USE1: variants seen among roughly 807,000 people sequenced by gnomAD.
USE1 encodes the protein vesicle transport protein USE1.
USE1 carries 32 observed loss-of-function variants against 37.6 expected under a neutral mutation model. That is an observed-to-expected ratio of 0.85 (90% confidence interval 0.64 to 1.14). The LOEUF is 1.14. Ranked by LOEUF, USE1 falls within the 50% of genes most tolerant of loss-of-function variation. USE1 has a pLI of 0.00. For missense variants in USE1, 310 were observed against 332.2 expected (o/e 0.93, Z 0.52); for synonymous variants, 149 against 137.6 (o/e 1.08, Z -0.58).
chr19:17,215,959 A>G (rs1245066996), intron 2 of USE1, 33 bp from the exon 3 acceptor site: 1 of 1,586,292 alleles, frequency 6.3e-7, no homozygotes, highest in South Asian at 1.1e-5. Context: ...GGGACCATGG[A>G]CAGGTTTTGT....
At chr19:17,219,176 A>T (rs540318890) in intron 6 of USE1, 37 bp from the exon 7 acceptor site, 1 of 1,575,944 alleles carries the variant, frequency 6.3e-7, no homozygotes, top group Admixed American at 1.8e-5. Flanking sequence ...TTCCCACTCC[A>T]TCTCTCATGT....
At position 17,215,604 on chromosome 19, in the gene USE1, TCTCGGGCAGCGCCC is replaced by T; in HGVS notation, c.102+98_102+111del. On this transcript the variant is annotated intron_variant, in intron 1 of 7. Transcript: ENST00000263897. ...GCCCGACTCCCCGGCCCCAGTAGCC[TCTCGGGCAGCGCCC>T]TTTCCGGTCAGTCCCGCCACGTCCA... The T allele has an allele frequency of 2.8e-6, 4 of 1,441,556 alleles. No homozygotes were observed. The South Asian group carries it at 5.2e-5, about 19-fold the overall frequency. The allele number at this position is 1,441,556 out of a possible 1,614,324, so 89.3% of individuals were successfully genotyped here. A position where few individuals can be genotyped will look rare whatever the true frequency, so the allele number is the denominator to read the frequency against.
At chr19:17,217,285 C>A (rs1255088822) in intron 4 of USE1, among the ~76,000 whole-genome samples, 168 bp from the exon 5 acceptor site, 1 of 151,792 alleles carries the variant, frequency 6.6e-6, no homozygotes, top group African/African-American at 2.4e-5. Flanking sequence ...ACAGGCACCC[C>A]CACCACACCT....
At position 17,216,060 on chromosome 19, in the gene USE1, C is replaced by A; in HGVS notation, c.221C>A (p.Ala74Asp). Residue 74 changes from alanine to aspartate, a missense_variant, in exon 3 of 8, where the codon GCC becomes GAC. Ala to Asp is a moderately radical substitution (Grantham distance 126). Coordinates refer to ENST00000263897, the MANE Select transcript of USE1 (RefSeq NM_018467.4). ...GATTTTCTGAAGGGGATGCTGCAAG[C>A]CGAGAAGCTGGTGAGAAGGGGTGCC... Reference protein sequence around the residue: ...KVDFLKGMLQAEKLTSSSEKA... With the variant: ...KVDFLKGMLQDEKLTSSSEKA... 6.2e-7 allele frequency: 1 copy of A among 1,612,486 alleles called. No individual in the cohort carries two copies. The highest frequency in any genetic ancestry group is 8.5e-7 in the Non-Finnish European group (1 of 1,179,282).
At chr19:17,215,754 C>T (rs749994308) in intron 1 of USE1, 48 bp from the exon 2 acceptor site, 7 of 1,295,386 alleles carry the variant, frequency 5.4e-6, no homozygotes, top group Non-Finnish European at 7.5e-6. Context: ...CTCCCATGAT[C>T]AGGACATGGG....
At position 17,216,179 on chromosome 19, in the gene USE1, C is replaced by T. The variant is rs2073289146; in HGVS notation, c.242C>T (p.Ser81Leu). 6.2e-7 allele frequency: 1 copy of T among 1,612,730 alleles called. No individual in the cohort carries two copies. The highest frequency in any genetic ancestry group is 8.5e-7 in the Non-Finnish European group (1 of 1,179,458). ...MLQAEKLTSS[S>L]EKALANQFLA... ...CCCACATTTCTGCAGACCTCCTCCT[C>T]AGAGAAAGCACTGGCCAACCAGTTC... Residue 81 changes from serine (S) to leucine (L), a missense_variant, in exon 4 of 8, where the codon TCA (serine) becomes TTA (leucine). Physicochemically the swap from Ser to Leu is moderately radical, Grantham distance 145. Coordinates refer to ENST00000263897, the MANE Select transcript of USE1 (RefSeq NM_018467.4).
chr19:17,219,819 C>T lies in USE1; in HGVS notation c.*6C>T. The T allele has an allele frequency of 1.9e-6, 3 of 1,577,248 alleles. No homozygotes were observed. The highest frequency in any genetic ancestry group is 1.7e-6 in the Non-Finnish European group (2 of 1,159,740). ...TCATGCCTAAACTCAAATAAAGACCCCCGCCCACCTTGTCTGTCTTCCGTC... is the reference window on the plus strand; with the variant it reads ...TCATGCCTAAACTCAAATAAAGACCTCCGCCCACCTTGTCTGTCTTCCGTC... On this transcript the variant is annotated 3_prime_UTR_variant, in exon 8 of 8. Coordinates refer to ENST00000263897, the MANE Select transcript of USE1 (RefSeq NM_018467.4).
intron 7 of USE1, 54 bp from the exon 8 acceptor site, chr19:17,219,573 TAGAG>T (rs969937485): frequency 2.6e-6 from 4 of 1,532,864 alleles, no homozygotes; most frequent in African/African-American, 2.8e-5. Flanking sequence ...CCCAGGGAAG[TAGAG>T]AGAGGCCATT....
intron 4 of USE1, 107 bp downstream of exon 4, chr19:17,216,428 G>A (rs1033554159): frequency 1.2e-5 from 18 of 1,461,844 alleles, no homozygotes; most frequent in African/African-American, 9.8e-5. Flanking sequence ...ACCCTAAGGG[G>A]GTCCAGCAAT....
chr19:17,215,577 T>TGGG, intron 1 of USE1, 70 bp downstream of exon 1: 1 of 1,515,086 alleles, frequency 6.6e-7, no homozygotes, highest in Non-Finnish European at 8.9e-7. Flanking sequence ...GGAAGCCACC[T>TGGG]GGCCCGACTC....
At chr19:17,218,200 C>T (rs1023396075) in intron 5 of USE1, 164 bp from the exon 6 acceptor site, 22 of 874,136 alleles carry the variant, frequency 2.5e-5, no homozygotes, top group Admixed American at 1.3e-4. Flanking sequence ...GTAAGGAGAC[C>T]CTCCTAGAAG....
chr19:17,219,806 T>C lies in USE1; in HGVS notation c.773T>C (p.Leu258Pro). The change falls in exon 8 of 8, where the codon CTC (leucine) becomes CCC (proline). Residue 258 changes from leucine to proline, a missense_variant. Transcript: ENST00000263897. ...CTCTTCATTCGAATCATGCCTAAAC[T>C]CAAATAAAGACCCCCGCCCACCTTG... ...MILFIRIMPK[L>P]K The C allele has an allele frequency of 6.3e-7, 1 of 1,587,272 alleles. No individual in the cohort carries two copies. The highest frequency in any genetic ancestry group is 8.6e-7 in the Non-Finnish European group (1 of 1,164,626).
At chr19:17,215,872 G>A (rs1423405277) in intron 2 of USE1, 21 bp downstream of exon 2, 1 of 1,602,792 alleles carries the variant, frequency 6.2e-7, no homozygotes, top group African/African-American at 1.3e-5. Flanking sequence ...GCAGCCTCAG[G>A]GCTTTCACAT....
chr19:17,215,529 G>A lies in USE1; in HGVS notation c.102+22G>A. 5 of 1,549,934 alleles carry A rather than the reference G, an allele frequency of 3.2e-6. No individual in the cohort carries two copies. The South Asian group carries it at 5.9e-5, about 18-fold the overall frequency. ...GAAGGTGAGGGGATCTCGCACTGCC[G>A]CGTAGAGCCCGACTCCCGGGGGGTG... On this transcript the variant is annotated intron_variant, in intron 1 of 7. Coordinates refer to ENST00000263897, the MANE Select transcript of USE1 (RefSeq NM_018467.4).
intron 2 of USE1, 68 bp from the exon 3 acceptor site, chr19:17,215,924 C>A (rs566010852): frequency 6.3e-7 from 1 of 1,582,510 alleles, no homozygotes; most frequent in African/African-American, 1.3e-5. Flanking sequence ...TACCGCTATC[C>A]CAGCTGGGAC....
At chr19:17,218,287 C>CT (rs2073302634) in intron 5 of USE1, 77 bp from the exon 6 acceptor site, 1 of 1,595,110 alleles carries the variant, frequency 6.3e-7, no homozygotes, top group African/African-American at 1.3e-5. Context: ...GCAGTAGACC[C>CT]AGCACAGGCA....
Position 17,215,367 on chromosome 19 carries a change from A to C in USE1, c.-39A>C, listed in dbSNP as rs956591601. On this transcript the variant is annotated 5_prime_UTR_variant, in exon 1 of 8. An upstream start codon of the reference 5' UTR is lost. Transcript: ENST00000263897. The stretch of plus-strand genomic sequence containing the variant: ...GAAGGCACTTCCGCCCTCTCTTAAC[A>C]TGGAGCCGGCGGAAGGGGTGGTGTA... 16 of 1,542,650 alleles carry C rather than the reference A, an allele frequency of 1.0e-5. No individual in the cohort carries two copies. Among genetic ancestry groups the C allele is most frequent in the Non-Finnish European group, 1.0e-5 (12 of 1,143,882 alleles).
rs1157280260 is a variant in USE1, at chr19:17,217,473, A to G, written c.394+11A>G. On this transcript the variant is annotated intron_variant, in intron 5 of 7. Coordinates refer to ENST00000263897, the MANE Select transcript of USE1 (RefSeq NM_018467.4). ...CACAGGACTCTGCAGGTGAGTCACC[A>G]TGAACACAACAGGACTTGAGGGCCA... 1 of 1,611,362 alleles carries G rather than the reference A, an allele frequency of 6.2e-7. No homozygotes were observed.
At chr19:17,216,700 C>T (rs1417104265) in intron 4 of USE1, among the ~76,000 whole-genome samples, 1 of 152,154 alleles carries the variant, frequency 6.6e-6, no homozygotes, top group East Asian at 1.9e-4. Flanking sequence ...GTTGTTGTGG[C>T]CAGGTGCGGC....
Sources: allele counts gnomAD v4.1 joint callset (sites outside exome capture counted in the v4.1 genomes callset), GRCh38; gene constraint gnomAD v4.1.1; transcripts MANE v1.5; gene names NCBI Gene and HGNC (gene_info 2026-07-23, HGNC 2026-07-21).